The following ABHD17B variants were observed in gnomAD, a reference collection of about 807,000 sequenced individuals.
The protein encoded by ABHD17B is alpha/beta hydrolase domain-containing protein 17B.
ABHD17B carries 9 observed loss-of-function variants against 26.2 expected under a neutral mutation model. The ratio of observed to expected loss-of-function variants is 0.34; its 90% CI spans 0.21 to 0.60. The LOEUF (loss-of-function observed/expected upper bound fraction) is 0.60, where lower values mean the gene tolerates loss of function less well. ABHD17B is among the 20% of genes least tolerant of loss of function. ABHD17B has a pLI of 0.80. For missense variants in ABHD17B, 224 were observed against 352.1 expected (o/e 0.64, Z 2.91); for synonymous variants, 127 against 122.3 (o/e 1.04, Z -0.25).
chr9:71,891,099 A>C (rs1176641631), intron 1 of ABHD17B, among the ~76,000 whole-genome samples: 1 of 152,156 alleles, frequency 6.6e-6, no homozygotes, highest in Non-Finnish European at 1.5e-5. Flanking sequence ...CCACACTTAC[A>C]GCAAACTAGG....
At position 71,909,875 on chromosome 9, in the gene ABHD17B, T is replaced by C. The variant is rs529915562; in HGVS notation, c.-4+759A>G. On this transcript the variant is annotated intron_variant, in intron 1 of 3. Coordinates refer to ENST00000333421, the MANE Select transcript of ABHD17B (RefSeq NM_001025780.3). The stretch of plus-strand genomic sequence containing the variant: ...ACCAAAGATCAAAGATCTGAACTTT[T>C]TTTTTTTTTAAACAAAAACCCCAGG... Among the ~76,000 whole-genome samples, 497 of 152,210 alleles carry C rather than the reference T, an allele frequency of 3.3e-3. 2 individuals carry two copies. The highest frequency in any genetic ancestry group is 0.011 in the African/African-American group (444 of 41,516).
chr9:71,882,577 G>C (rs1268546473), intron 1 of ABHD17B, among the ~76,000 whole-genome samples: 1 of 151,756 alleles, frequency 6.6e-6, no homozygotes, highest in Non-Finnish European at 1.5e-5. Flanking sequence ...AGAATTGCTT[G>C]AACTCGGGAG....
At chr9:71,887,427 T>C (rs1190129880) in intron 1 of ABHD17B, among the ~76,000 whole-genome samples, 8 of 152,252 alleles carry the variant, frequency 5.3e-5, no homozygotes, top group Admixed American at 1.3e-4. Flanking sequence ...GTCCTATTTA[T>C]TTTAATGCAG....
intron 1 of ABHD17B, among the ~76,000 whole-genome samples, chr9:71,887,034 G>A (rs1219079013): frequency 1.3e-5 from 2 of 152,054 alleles, no homozygotes; most frequent in Non-Finnish European, 2.9e-5. Context: ...TGGGTCACTT[G>A]AAAACACCCT....
At chr9:71,891,768 C>G (rs530750098) in intron 1 of ABHD17B, among the ~76,000 whole-genome samples, 2 of 152,322 alleles carry the variant, frequency 1.3e-5, no homozygotes, top group East Asian at 1.9e-4. Flanking sequence ...CACACACACT[C>G]ATACCCTGTC....
At chr9:71,904,721 G>A (rs1294307912) in intron 1 of ABHD17B, among the ~76,000 whole-genome samples, 1 of 152,072 alleles carries the variant, frequency 6.6e-6, no homozygotes, top group Non-Finnish European at 1.5e-5. Context: ...AAACCTTAGG[G>A]ATTTCAAAAA....
At chr9:71,877,121 AG>A (rs1446511966) in intron 1 of ABHD17B, among the ~76,000 whole-genome samples, 1 of 152,220 alleles carries the variant, frequency 6.6e-6, no homozygotes, top group Non-Finnish European at 1.5e-5. Context: ...TGTTTACTAT[AG>A]ACTCTGGCTA....
intron 1 of ABHD17B, among the ~76,000 whole-genome samples, chr9:71,907,890 G>A (rs1827333513): frequency 6.6e-6 from 1 of 152,030 alleles, no homozygotes; most frequent in Non-Finnish European, 1.5e-5. Flanking sequence ...ATATTGTATG[G>A]CACCAACATT....
intron 1 of ABHD17B, among the ~76,000 whole-genome samples, chr9:71,903,583 T>C (rs1827204120): frequency 2.0e-5 from 3 of 152,216 alleles, no homozygotes; most frequent in Admixed American, 2.0e-4. Context: ...ACCTGTAATA[T>C]AATCTGAAGC....
chr9:71,900,015 T>C (rs1827085480), intron 1 of ABHD17B, among the ~76,000 whole-genome samples: 3 of 152,164 alleles, frequency 2.0e-5, no homozygotes, highest in Non-Finnish European at 4.4e-5. Flanking sequence ...TTCATTGACT[T>C]TAATATCTTA....
At chr9:71,887,485 C>T (rs1372873026) in intron 1 of ABHD17B, among the ~76,000 whole-genome samples, 2 of 152,266 alleles carry the variant, frequency 1.3e-5, no homozygotes, top group Non-Finnish European at 2.9e-5. Context: ...TACTGCTAGA[C>T]ACTGCACTAG....
In ABHD17B at chr9:71,891,531, A is replaced by G. The variant is rs1826783851; in HGVS notation, c.-3-16448T>C. On this transcript the variant is annotated intron_variant, in intron 1 of 3. Transcript: ENST00000333421. The stretch of plus-strand genomic sequence containing the variant: ...GTAATGCTTGTTCATCTTGGGTTTC[A>G]TGCTGTTGGAATGCTTCTTTCTTGA... 2.0e-5 allele frequency among the ~76,000 whole-genome samples: 3 copies of G among 151,998 alleles called. No individual in the cohort carries two copies. The South Asian group carries it at 6.2e-4, about 31-fold the overall frequency.
At chr9:71,879,142 T>A (rs1826366203) in intron 1 of ABHD17B, among the ~76,000 whole-genome samples, 1 of 151,876 alleles carries the variant, frequency 6.6e-6, no homozygotes, top group African/African-American at 2.4e-5. Context: ...GGCTACAGAG[T>A]GAGAGCCTGT....
At chr9:71,878,882 A>C (rs1826357732) in intron 1 of ABHD17B, among the ~76,000 whole-genome samples, 2 of 152,110 alleles carry the variant, frequency 1.3e-5, no homozygotes, top group African/African-American at 4.8e-5. Flanking sequence ...AAGGCCAGGC[A>C]CAGTGGCTCA....
At chr9:71,870,487 G>A (rs1826079617) in intron 2 of ABHD17B, among the ~76,000 whole-genome samples, 1 of 152,098 alleles carries the variant, frequency 6.6e-6, no homozygotes, top group Non-Finnish European at 1.5e-5. Context: ...AATAATTGCT[G>A]AGGTATTTTA....
Position 71,866,792 on chromosome 9 carries a change from A to G in ABHD17B, c.862T>C (p.Leu288=), listed in dbSNP as rs1825967781. ...TAGCAAATTTACAGAATATTTTACA[A>G]ATTTACCAGTTCCTGTGACACAAAC... ...KQFVSQELVN[L] Residue 288 remains leucine (L), a synonymous_variant, in exon 4 of 4, where the codon TTG becomes CTG. Transcript: ENST00000333421. The G allele has an allele frequency of 2.5e-6, 4 of 1,614,014 alleles. No individual in the cohort carries two copies. The Admixed American group carries it at 5.0e-5, about 20-fold the overall frequency.
At chr9:71,863,835 C>G (rs1305130881), downstream of ABHD17B, among the ~76,000 whole-genome samples, 1 of 152,174 alleles carries the variant, frequency 6.6e-6, no homozygotes, top group African/African-American at 2.4e-5. Flanking sequence ...TCACATCTTT[C>G]AGCTGGTTTG....
downstream of ABHD17B, chr9:71,862,644 A>G (rs200993765): frequency 4.3e-5 from 39 of 910,852 alleles, no homozygotes; most frequent in Non-Finnish European, 7.0e-5. Flanking sequence ...TCATCTCTGC[A>G]GTTTTCATAA....
chr9:71,893,132 T>C lies in ABHD17B; in HGVS notation c.-4+17502A>G, dbSNP rs185355093. ...TCCATTGTACCTAAAACAAACTATT[T>C]TGTCCTTTGCACTCACACCACAACA... is the stretch of plus-strand genomic sequence containing the variant. On this transcript the variant is annotated intron_variant, in intron 1 of 3. Coordinates refer to ENST00000333421, the MANE Select transcript of ABHD17B (RefSeq NM_001025780.3). 3.3e-3 allele frequency among the ~76,000 whole-genome samples: 499 copies of C among 152,336 alleles called. 2 individuals are homozygous for C. Among genetic ancestry groups the C allele is most frequent in the African/African-American group, 0.011 (447 of 41,570 alleles).
Sources: gnomAD v4.1 joint callset for allele counts (sites outside exome capture counted in the v4.1 genomes callset) on GRCh38, gnomAD v4.1.1 for gene constraint, MANE v1.5 for transcripts, NCBI Gene and HGNC (gene_info 2026-07-23, HGNC 2026-07-21) for gene names.